Variants in ERLN observed in about 807,000 individuals in gnomAD.
ERLN encodes endoregulin, also known as small integral membrane protein 6.
At chr17:75,647,684 TC>T in the ERLN span, 2 of 970,780 alleles carry the variant, frequency 2.1e-6, no homozygotes, top group Non-Finnish European at 3.1e-6. Flanking sequence ...TGTCTTCCTT[TC>T]CCATCAGGAA....
At chr17:75,647,749 G>A in the ERLN span, 1 of 618,498 alleles carries the variant, frequency 1.6e-6, no homozygotes, top group East Asian at 2.9e-5. Context: ...TAGTAAGATG[G>A]GGAGGCTGGT....
At chr17:75,647,806 C>A in the ERLN span, 1 of 461,402 alleles carries the variant, frequency 2.2e-6, no homozygotes, top group Non-Finnish European at 4.0e-6. Context: ...TAGGGTTCCC[C>A]GACCAGAACC....
At chr17:75,647,730 T>C in the ERLN span, 13 of 682,920 alleles carry the variant, frequency 1.9e-5, no homozygotes, top group East Asian at 3.6e-4. Context: ...GGCTTAGGGT[T>C]GGTCAGACTA....
the ERLN span, chr17:75,647,378 T>C: frequency 3.9e-6 from 6 of 1,548,078 alleles, no homozygotes; most frequent in Non-Finnish European, 5.2e-6. Context: ...CAGATTCTCA[T>C]GGACCAACTG....
chr17:75,647,769 A>C, the ERLN span: 1 of 577,882 alleles, frequency 1.7e-6, no homozygotes. Context: ...TCTGAGACCA[A>C]TTCTGGCTCC....
At chr17:75,647,417 C>G in the ERLN span, 6 of 1,549,836 alleles carry the variant, frequency 3.9e-6, no homozygotes, top group South Asian at 7.1e-5. Context: ...TGGAATGATG[C>G]GTTCTGGCAG....
the ERLN span, chr17:75,646,863 T>G: frequency 6.5e-6 from 1 of 153,090 alleles, no homozygotes; most frequent in African/African-American, 2.4e-5. Context: ...GGAGCTCCGC[T>G]TCTAGAGGAC....
chr17:75,646,655 T>C, the ERLN span: 10 of 152,348 alleles, frequency 6.6e-5, no homozygotes, highest in Admixed American at 5.9e-4. Context: ...CTCTCAACAG[T>C]TGCTTCTTTG....
chr17:75,647,789 T>C, the ERLN span: 6 of 521,132 alleles, frequency 1.2e-5, no homozygotes, highest in Non-Finnish European at 2.1e-5. Context: ...CTTGACCCTA[T>C]TGTTTTTAGG....
At chr17:75,647,606 G>A in the ERLN span, 4 of 1,539,772 alleles carry the variant, frequency 2.6e-6, no homozygotes, top group Non-Finnish European at 3.5e-6. Flanking sequence ...GGGGAGGCGA[G>A]CTGACCTGCC....
chr17:75,647,835 G>A, the ERLN span: 3 of 380,946 alleles, frequency 7.9e-6, no homozygotes, highest in Non-Finnish European at 9.9e-6. Context: ...ACATGGAGAG[G>A]ATGGCTCCAC....
chr17:75,646,695 G>C, the ERLN span: 1 of 152,390 alleles, frequency 6.6e-6, no homozygotes, highest in Non-Finnish European at 1.5e-5. Context: ...TCACCTGGCG[G>C]CCTCTTCAGC....
the ERLN span, chr17:75,647,680 C>T: frequency 3.0e-6 from 3 of 993,504 alleles, no homozygotes. Flanking sequence ...CTGGTGTCTT[C>T]CTTTCCCATC....
the ERLN span, chr17:75,647,507 T>G: frequency 6.4e-7 from 1 of 1,550,408 alleles, no homozygotes; most frequent in Non-Finnish European, 8.7e-7. Flanking sequence ...TTTGCCATCG[T>G]GTTTGGTTTA....
At chr17:75,647,239 C>T in the ERLN span, 1 of 694,338 alleles carries the variant, frequency 1.4e-6, no homozygotes, top group Non-Finnish European at 2.4e-6. Flanking sequence ...CCTTTCATGT[C>T]CCCTGGCTGC....
chr17:75,646,902 G>C, the ERLN span: 1 of 154,840 alleles, frequency 6.5e-6, no homozygotes, highest in Non-Finnish European at 1.4e-5. Context: ...GCTGCTCCAA[G>C]GAGGCTACCG....
chr17:75,647,669 C>T, the ERLN span: 1 of 1,098,410 alleles, frequency 9.1e-7, no homozygotes, highest in East Asian at 2.6e-5. Context: ...GGGGCCAAGC[C>T]CTGGTGTCTT....
the ERLN span, chr17:75,647,644 G>C: frequency 7.1e-7 from 1 of 1,404,292 alleles, no homozygotes; most frequent in African/African-American, 1.4e-5. Context: ...CCCCTTCGCG[G>C]TTCCCTCTGG....
At chr17:75,647,847 G>A in the ERLN span, 1 of 345,092 alleles carries the variant, frequency 2.9e-6, no homozygotes. Flanking sequence ...TGGCTCCACT[G>A]CCTCAGGTGG....
Sources: allele counts gnomAD v4.1 joint callset, GRCh38; gene constraint gnomAD v4.1.1; transcripts MANE v1.5; gene names NCBI Gene and HGNC (gene_info 2026-07-23, HGNC 2026-07-21).